PTPRM: variants seen among roughly 807,000 people sequenced by gnomAD.
The protein encoded by PTPRM is receptor-type tyrosine-protein phosphatase mu.
PTPRM carries 47 observed loss-of-function variants against 186.7 expected under a neutral mutation model. The ratio of observed to expected loss-of-function variants is 0.25; its 90% confidence interval spans 0.20 to 0.32. The LOEUF (loss-of-function observed/expected upper bound fraction) is 0.32, where lower values mean the gene tolerates loss of function less well. PTPRM is among the 10% of genes least tolerant of loss of function. The pLI, the probability that PTPRM is intolerant of heterozygous loss-of-function variation, is 1.00. For missense variants in PTPRM, 1,494 were observed against 1,865.0 expected (o/e 0.80, Z 3.66); for synonymous variants, 668 against 674.9 (o/e 0.99, Z 0.16).
At position 7,603,118 on chromosome 18, in the gene PTPRM, T is replaced by TG. The variant is rs1205066920; in HGVS notation, c.73+35231dup. Among the ~76,000 whole-genome samples, 5 of 151,828 alleles carry TG rather than the reference T, an allele frequency of 3.3e-5. No homozygotes were observed. In the South Asian group the frequency reaches 1.0e-3, roughly 32 times the overall value. On this transcript the variant is annotated intron_variant, in intron 1 of 32. Transcript: ENST00000580170. ...AATTTTTTTGTATTTTTAGTAGAGA[T>TG]GGGGTTTCACCATGTTAGCTGGGAT...
intron 3 of PTPRM, among the ~76,000 whole-genome samples, chr18:7,895,163 G>C (rs753315463): frequency 4.6e-5 from 7 of 151,972 alleles, no homozygotes; most frequent in Non-Finnish European, 7.4e-5. Flanking sequence ...AACTTTATGA[G>C]CCTCACTTTC....
At chr18:8,158,445 C>T (rs966731670) in intron 14 of PTPRM, among the ~76,000 whole-genome samples, 2 of 152,114 alleles carry the variant, frequency 1.3e-5, no homozygotes, top group Non-Finnish European at 2.9e-5. Flanking sequence ...TCTTGGTTAT[C>T]GAATCCAGGA....
At chr18:7,844,796 A>G (rs1356991618) in intron 2 of PTPRM, among the ~76,000 whole-genome samples, 1 of 152,080 alleles carries the variant, frequency 6.6e-6, no homozygotes, top group Non-Finnish European at 1.5e-5. Context: ...GTCTATTTTC[A>G]TTGTAAGTGT....
chr18:7,935,100 G>A (rs569218278), intron 5 of PTPRM, among the ~76,000 whole-genome samples: 1 of 152,118 alleles, frequency 6.6e-6, no homozygotes, highest in Non-Finnish European at 1.5e-5. Context: ...GCCACAAAAT[G>A]ATATGAAAAG....
At chr18:8,229,093 A>G (rs1343539788) in intron 14 of PTPRM, among the ~76,000 whole-genome samples, 1 of 152,016 alleles carries the variant, frequency 6.6e-6, no homozygotes, top group East Asian at 1.9e-4. Context: ...CTTATGCACG[A>G]TTATGTTTAT....
At chr18:8,396,791 G>A (rs962318058) in intron 32 of PTPRM, among the ~76,000 whole-genome samples, 1 of 152,222 alleles carries the variant, frequency 6.6e-6, no homozygotes, top group African/African-American at 2.4e-5. Context: ...TCACGGGGCT[G>A]TTAGCAGGGT....
At chr18:7,737,679 C>G (rs1419070753) in intron 1 of PTPRM, among the ~76,000 whole-genome samples, 2 of 152,180 alleles carry the variant, frequency 1.3e-5, no homozygotes, top group Admixed American at 1.3e-4. Context: ...TGTGCCAGCC[C>G]CTGGTCTCCT....
At chr18:8,201,767 T>C (rs1311447984) in intron 14 of PTPRM, among the ~76,000 whole-genome samples, 2 of 152,210 alleles carry the variant, frequency 1.3e-5, no homozygotes, top group African/African-American at 4.8e-5. Flanking sequence ...CATTTAATTC[T>C]AATTACCTCC....
intron 1 of PTPRM, among the ~76,000 whole-genome samples, chr18:7,768,322 C>G (rs1177087940): frequency 6.6e-6 from 1 of 151,892 alleles, no homozygotes; most frequent in East Asian, 1.9e-4. Context: ...GAGATCTCGT[C>G]TCTATCAAAG....
chr18:8,252,468 G>C lies in PTPRM; in HGVS notation c.2555-20G>C, dbSNP rs759300812. 2 of 1,533,274 alleles carry C rather than the reference G, an allele frequency of 1.3e-6. No individual in the cohort carries two copies. The highest frequency in any genetic ancestry group is 1.8e-6 in the Non-Finnish European group (2 of 1,106,570). The allele number at this position is 1,533,274 out of a possible 1,614,324, so 95.0% of individuals were successfully genotyped here. A position where few individuals can be genotyped will look rare whatever the true frequency, so the allele number is the denominator to read the frequency against. On this transcript the variant is annotated intron_variant, in intron 17 of 32. Transcript: ENST00000580170. The stretch of plus-strand genomic sequence containing the variant: ...CCTTTTTCTCCTCCTTTTTTCTCCT[G>C]ATATGTATCTTCTTAAAAGTGCCAA...
chr18:8,056,321 T>C (rs1481057893), intron 7 of PTPRM, among the ~76,000 whole-genome samples: 4 of 152,208 alleles, frequency 2.6e-5, no homozygotes, highest in African/African-American at 9.7e-5. Context: ...GCCAAATAAA[T>C]GATGCAACTC....
intron 2 of PTPRM, among the ~76,000 whole-genome samples, chr18:7,828,816 T>C (rs1156238706): frequency 6.6e-6 from 1 of 152,208 alleles, no homozygotes; most frequent in Non-Finnish European, 1.5e-5. Context: ...GTGCTGCATA[T>C]ATTTAGTGTT....
In PTPRM at chr18:7,888,342, C is replaced by G. The variant is rs1402278680; in HGVS notation, c.433C>G (p.Leu145Val). Residue 145 changes from leucine (L) to valine (V), a missense_variant, in exon 3 of 33, where the codon CTG becomes GTG. By Grantham distance (32) the Leu-to-Val change is conservative (BLOSUM62 1). Around this residue, in one of 3 missense-constraint regions of PTPRM, gnomAD observed 296 missense variants for 345.5 expected, o/e 0.86. Transcript: ENST00000580170. Reference protein sequence around the residue: ...DPTRTWNRAELAISTFWPNFY... With the variant: ...DPTRTWNRAEVAISTFWPNFY... ...AACACGTACATGGAACAGGGCAGAA[C>G]TGGCCATTAGTACTTTCTGGCCTAA... is the stretch of plus-strand genomic sequence containing the variant. The G allele has an allele frequency of 1.9e-6, 3 of 1,613,802 alleles. No individual in the cohort carries two copies.
chr18:8,280,571 A>G (rs2094892142), intron 19 of PTPRM, among the ~76,000 whole-genome samples: 1 of 152,170 alleles, frequency 6.6e-6, no homozygotes, highest in African/African-American at 2.4e-5. Context: ...GCTGCCCAAA[A>G]TGGTTGCTCC....
chr18:7,745,418 G>C (rs2040965977), intron 1 of PTPRM, among the ~76,000 whole-genome samples: 1 of 152,180 alleles, frequency 6.6e-6, no homozygotes, highest in South Asian at 2.1e-4. Flanking sequence ...GGTGTAACTT[G>C]ACAGTAGACA....
intron 1 of PTPRM, among the ~76,000 whole-genome samples, chr18:7,712,359 A>G (rs753853751): frequency 4.6e-5 from 7 of 152,194 alleles, no homozygotes; most frequent in African/African-American, 7.2e-5. Context: ...TCTGAAGGTC[A>G]CCAACATGAA....
chr18:8,107,943 A>G (rs2091595138), intron 11 of PTPRM, among the ~76,000 whole-genome samples: 1 of 152,176 alleles, frequency 6.6e-6, no homozygotes, highest in South Asian at 2.1e-4. Flanking sequence ...TAATTTGGTG[A>G]CATATTTTTT....
chr18:8,336,612 A>AGGAGGG (rs2095440742), intron 22 of PTPRM, among the ~76,000 whole-genome samples: 1 of 136,122 alleles, frequency 7.3e-6, no homozygotes, highest in African/African-American at 2.7e-5. Context: ...AGAAGAGAGG[A>AGGAGGG]GGAGGGGGAG....
Position 8,301,370 on chromosome 18 carries a change from A to G in PTPRM, c.2842+4915A>G, listed in dbSNP as rs370644318. Among the ~76,000 whole-genome samples the G allele has an allele frequency of 7.4e-4, 113 of 152,278 alleles. 2 individuals are homozygous for G. In the South Asian group the frequency reaches 0.023, roughly 31 times the overall value. On this transcript the variant is annotated intron_variant, in intron 20 of 32. Coordinates refer to ENST00000580170, the MANE Select transcript of PTPRM (RefSeq NM_001105244.2). The stretch of plus-strand genomic sequence containing the variant: ...CATTACCGCCCCTCCACACACAAGC[A>G]TAGCCCTCCTAATACTCTCAACAGT...
Sources: allele counts gnomAD v4.1 joint callset (sites outside exome capture counted in the v4.1 genomes callset), GRCh38; gene constraint gnomAD v4.1.1; regional missense constraint gnomAD v4.1.1; transcripts MANE v1.5; gene names NCBI Gene and HGNC (gene_info 2026-07-23, HGNC 2026-07-21).